The following CCDC148 variants were observed in gnomAD, a reference collection of about 807,000 sequenced individuals.
CCDC148 encodes the protein coiled-coil domain-containing protein 148.
A neutral mutation model predicts 85.7 loss-of-function variants in CCDC148; 89 were observed. The ratio of observed to expected loss-of-function variants is 1.04; its 90% CI spans 0.87 to 1.24. CCDC148 has a LOEUF of 1.24. Among genes scored for constraint, CCDC148 ranks in the 50% most tolerant of loss-of-function variants. The pLI is 0.00. For synonymous variants in CCDC148, 230 were observed against 213.9 expected (o/e 1.08, Z -0.66); for missense variants, 692 against 671.7 (o/e 1.03, Z -0.33).
At chr2:158,304,673 T>C (rs1041315199) in intron 9 of CCDC148, among the ~76,000 whole-genome samples, 1 of 152,168 alleles carries the variant, frequency 6.6e-6, no homozygotes, top group African/African-American at 2.4e-5. Context: ...AGATAGAATA[T>C]TGTTCTCACC....
intron 9 of CCDC148, among the ~76,000 whole-genome samples, chr2:158,272,620 A>G (rs910131669): frequency 5.3e-5 from 8 of 152,184 alleles, no homozygotes; most frequent in African/African-American, 1.9e-4. Context: ...TAGGATGCAC[A>G]GTGCTGTGCC....
rs112945108 is a variant in CCDC148, at chr2:158,257,833, T to C, written c.1111-6921A>G. On this transcript the variant is annotated intron_variant, in intron 9 of 13. Transcript: ENST00000283233. ...TCTAACCTTAGTGTAAAACAAAACT[T>C]CTAGAGGAAGAAACAAACTAAATGC... Among the ~76,000 whole-genome samples, 406 of 151,982 alleles carry C rather than the reference T, an allele frequency of 2.7e-3. 3 individuals are homozygous for C. Among genetic ancestry groups the C allele is most frequent in the African/African-American group, 9.1e-3 (376 of 41,542 alleles).
intron 10 of CCDC148, among the ~76,000 whole-genome samples, chr2:158,239,395 G>T (rs1349338733): frequency 7.4e-6 from 1 of 135,204 alleles, no homozygotes; most frequent in Admixed American, 7.7e-5. Flanking sequence ...CTTTTAAAAA[G>T]ATGCTCTAGT....
At chr2:158,405,129 A>C (rs1685942936) in intron 1 of CCDC148, among the ~76,000 whole-genome samples, 1 of 152,138 alleles carries the variant, frequency 6.6e-6, no homozygotes, top group African/African-American at 2.4e-5. Context: ...AATGATTAAT[A>C]AGAAGCTACA....
chr2:158,262,165 C>G (rs6437161), intron 9 of CCDC148, among the ~76,000 whole-genome samples: 62,626 of 151,884 alleles, frequency 0.41, 13,455 homozygotes, highest in South Asian at 0.61. Context: ...TATACACCAT[C>G]GAATACTATG....
chr2:158,222,933 C>T (rs1170228907), intron 10 of CCDC148, among the ~76,000 whole-genome samples: 1 of 152,120 alleles, frequency 6.6e-6, no homozygotes, highest in East Asian at 1.9e-4. Context: ...AACTGAGGTA[C>T]CGGGTTCATC....
At chr2:158,205,229 A>G (rs1164133588) in intron 11 of CCDC148, among the ~76,000 whole-genome samples, 4 of 152,220 alleles carry the variant, frequency 2.6e-5, no homozygotes, top group Non-Finnish European at 5.9e-5. Context: ...ACAGAATTTA[A>G]TAAGCCCTTG....
intron 11 of CCDC148, among the ~76,000 whole-genome samples, chr2:158,203,670 T>C (rs1478216229): frequency 6.6e-6 from 1 of 152,066 alleles, no homozygotes. Flanking sequence ...GAGACAGATC[T>C]GAGCTTACTA....
At chr2:158,262,876 A>ATAATAG (rs1460369084) in intron 9 of CCDC148, among the ~76,000 whole-genome samples, 13 of 152,068 alleles carry the variant, frequency 8.5e-5, no homozygotes, top group African/African-American at 2.9e-4. Flanking sequence ...AAGTTTAAAA[A>ATAATAG]TAATAGTAAT....
At chr2:158,358,342 C>G (rs1299474436) in intron 2 of CCDC148, 107 bp downstream of exon 2, 1 of 1,356,724 alleles carries the variant, frequency 7.4e-7, no homozygotes, top group African/African-American at 1.5e-5. Flanking sequence ...TTGGGAGTTT[C>G]TAACAACTAT....
chr2:158,335,435 G>A (rs553215276), intron 7 of CCDC148, among the ~76,000 whole-genome samples: 2 of 152,198 alleles, frequency 1.3e-5, no homozygotes, highest in East Asian at 3.9e-4. Context: ...TTCTGATGCT[G>A]TTAATAAAGA....
intron 9 of CCDC148, among the ~76,000 whole-genome samples, chr2:158,294,317 AC>A (rs1691067183): frequency 6.6e-6 from 1 of 151,768 alleles, no homozygotes; most frequent in African/African-American, 2.4e-5. Flanking sequence ...CAGCTTGTTT[AC>A]CCCTTCCCTG....
chr2:158,317,188 G>A (rs1470760936), intron 7 of CCDC148, among the ~76,000 whole-genome samples: 1 of 152,060 alleles, frequency 6.6e-6, no homozygotes, highest in African/African-American at 2.4e-5. Flanking sequence ...AGTGTCCTAA[G>A]CTTTTTGCAA....
At chr2:158,239,354 G>A (rs1446324191) in intron 10 of CCDC148, among the ~76,000 whole-genome samples, 1 of 140,430 alleles carries the variant, frequency 7.1e-6, no homozygotes, top group Non-Finnish European at 1.5e-5. Context: ...TGTCCTGACA[G>A]AGGGTAGAAA....
chr2:158,175,208 C>T (rs530311759), intron 13 of CCDC148, among the ~76,000 whole-genome samples: 1 of 152,148 alleles, frequency 6.6e-6, no homozygotes, highest in South Asian at 2.1e-4. Flanking sequence ...CGGCCTGAGA[C>T]TTTTTAGCTT....
intron 1 of CCDC148, among the ~76,000 whole-genome samples, chr2:158,441,386 A>C (rs1687925659): frequency 1.3e-5 from 2 of 152,224 alleles, no homozygotes; most frequent in African/African-American, 4.8e-5. Flanking sequence ...TATTTAAAAT[A>C]ATATTTTCTA....
At chr2:158,378,130 A>G (rs1406551613) in intron 1 of CCDC148, among the ~76,000 whole-genome samples, 1 of 152,120 alleles carries the variant, frequency 6.6e-6, no homozygotes, top group Non-Finnish European at 1.5e-5. Context: ...TGTGAATGCA[A>G]AGGAAAAGTT....
chr2:158,278,694 G>T (rs918291177), intron 9 of CCDC148, among the ~76,000 whole-genome samples: 5 of 152,248 alleles, frequency 3.3e-5, no homozygotes, highest in Non-Finnish European at 5.9e-5. Context: ...CGCCTCTGGG[G>T]GCAGGGCACA....
At chr2:158,366,125 TG>T (rs1214032008) in intron 1 of CCDC148, 1 of 1,305,924 alleles carries the variant, frequency 7.7e-7, no homozygotes, top group Non-Finnish European at 1.0e-6. Context: ...ATTTTATAAA[TG>T]TTTTTAAAGC....
Sources: gnomAD v4.1 joint callset for allele counts (sites outside exome capture counted in the v4.1 genomes callset) on GRCh38, gnomAD v4.1.1 for gene constraint, MANE v1.5 for transcripts, NCBI Gene and HGNC (gene_info 2026-07-23, HGNC 2026-07-21) for gene names.